The following XKR9 variants were observed in gnomAD, a reference collection of about 807,000 sequenced individuals.
The protein encoded by XKR9 is XK-related protein 9.
Under a neutral mutation model 32.0 loss-of-function variants are expected in XKR9, and 32 were observed. That is an observed-to-expected ratio of 1.00 (90% CI 0.76 to 1.34). The LOEUF (loss-of-function observed/expected upper bound fraction) is 1.34. Among genes scored for constraint, XKR9 ranks in the 40% most tolerant of loss-of-function variants. The pLI, the probability that XKR9 is intolerant of heterozygous loss-of-function variation, is 0.00. For missense variants in XKR9, 546 were observed against 429.7 expected (o/e 1.27, Z -2.39); for synonymous variants, 168 against 143.4 (o/e 1.17, Z -1.22).
At chr8:70,803,851 G>T in the XKR9 span, among the ~76,000 whole-genome samples, 1 of 152,224 alleles carries the variant, frequency 6.6e-6, no homozygotes, top group South Asian at 2.1e-4. Flanking sequence ...GTGCTTCCTG[G>T]TAGAACATGG....
chr8:70,800,322 CT>C, the XKR9 span, among the ~76,000 whole-genome samples: 7 of 151,260 alleles, frequency 4.6e-5, 1 homozygote, highest in East Asian at 1.9e-4. Flanking sequence ...CTAAAGTTTT[CT>C]TTTTTTTTGT....
At chr8:70,851,465 G>A in the XKR9 span, among the ~76,000 whole-genome samples, 19 of 152,062 alleles carry the variant, frequency 1.2e-4, no homozygotes, top group South Asian at 1.9e-3. Flanking sequence ...AAAAGACCCC[G>A]TATAGCCAAG....
chr8:71,013,422 G>A, the XKR9 span, among the ~76,000 whole-genome samples: 3 of 152,168 alleles, frequency 2.0e-5, no homozygotes, highest in Non-Finnish European at 4.4e-5. Context: ...GCTGGGTATT[G>A]AGGCAGTGCG....
chr8:70,811,959 G>C, the XKR9 span, among the ~76,000 whole-genome samples: 1 of 152,068 alleles, frequency 6.6e-6, no homozygotes, highest in South Asian at 2.1e-4. Flanking sequence ...GCATCATCCG[G>C]ATACCAAAGC....
the XKR9 span, among the ~76,000 whole-genome samples, chr8:70,986,864 G>T: frequency 6.6e-6 from 1 of 152,192 alleles, no homozygotes; most frequent in Non-Finnish European, 1.5e-5. Context: ...AAAGAAAGAG[G>T]TTTAATTGGA....
chr8:70,690,874 C>A (rs887761969), intron 3 of XKR9, among the ~76,000 whole-genome samples: 5 of 152,060 alleles, frequency 3.3e-5, no homozygotes, highest in Non-Finnish European at 7.4e-5. Context: ...GTGAACAGTG[C>A]TGCAATGAAC....
chr8:70,872,648 G>A, the XKR9 span, among the ~76,000 whole-genome samples: 1 of 152,098 alleles, frequency 6.6e-6, no homozygotes, highest in Non-Finnish European at 1.5e-5. Flanking sequence ...TGTCTTGTTA[G>A]GGGCTAATGC....
the XKR9 span, among the ~76,000 whole-genome samples, chr8:70,871,749 A>C: frequency 6.6e-6 from 1 of 152,182 alleles, no homozygotes; most frequent in East Asian, 1.9e-4. Context: ...AAATAAAAGG[A>C]AGATTTGCAT....
chr8:70,796,967 A>G, the XKR9 span, among the ~76,000 whole-genome samples: 1 of 152,126 alleles, frequency 6.6e-6, no homozygotes, highest in Non-Finnish European at 1.5e-5. Context: ...AAAAAAAATT[A>G]CCCTTCTGAA....
At chr8:71,064,401 T>TATATATATAAACATATATATAAACA in the XKR9 span, among the ~76,000 whole-genome samples, 1 of 152,182 alleles carries the variant, frequency 6.6e-6, no homozygotes, top group Non-Finnish European at 1.5e-5. Context: ...TATATTGAGT[T>TATATATATAAACATATATATAAACA]TTTATGTTTA....
chr8:70,733,076 C>T (rs1806725778), intron 4 of XKR9, among the ~76,000 whole-genome samples: 1 of 151,538 alleles, frequency 6.6e-6, no homozygotes, highest in East Asian at 1.9e-4. Context: ...CACTGCACTC[C>T]AGCCATAGTG....
the XKR9 span, among the ~76,000 whole-genome samples, chr8:70,902,558 G>A: frequency 1.3e-5 from 2 of 152,200 alleles, no homozygotes; most frequent in Admixed American, 1.3e-4. Flanking sequence ...TTTGGGCTGA[G>A]TTGATGGGGT....
At chr8:70,979,775 C>A in the XKR9 span, among the ~76,000 whole-genome samples, 1 of 152,186 alleles carries the variant, frequency 6.6e-6, no homozygotes, top group East Asian at 1.9e-4. Flanking sequence ...GCTGGGAGAA[C>A]CACTGCTGTC....
At chr8:70,741,380 T>C (rs564259722) in intron 2 of XKR9, among the ~76,000 whole-genome samples, 2 of 152,340 alleles carry the variant, frequency 1.3e-5, no homozygotes, top group Admixed American at 1.3e-4. Flanking sequence ...GCTATGCTCT[T>C]GGCCTTCCCA....
chr8:70,817,360 G>A, the XKR9 span, among the ~76,000 whole-genome samples: 1 of 152,088 alleles, frequency 6.6e-6, no homozygotes, highest in Non-Finnish European at 1.5e-5. Context: ...AATCAAGAAT[G>A]TAATTCTATT....
chr8:71,040,976 A>C, the XKR9 span, among the ~76,000 whole-genome samples: 1 of 152,164 alleles, frequency 6.6e-6, no homozygotes, highest in African/African-American at 2.4e-5. Context: ...CTCTTGATAC[A>C]TGTCAACTGG....
the XKR9 span, among the ~76,000 whole-genome samples, chr8:70,801,155 T>C: frequency 6.6e-6 from 1 of 152,184 alleles, no homozygotes; most frequent in Non-Finnish European, 1.5e-5. Context: ...ATATTTCATA[T>C]GGTTTTTCAT....
intron 2 of XKR9, among the ~76,000 whole-genome samples, chr8:70,765,829 G>T (rs888344213): frequency 2.6e-5 from 4 of 152,164 alleles, no homozygotes; most frequent in African/African-American, 7.2e-5. Context: ...CATATGGCTA[G>T]CCAGTTTTTC....
chr8:70,897,537 G>A, the XKR9 span, among the ~76,000 whole-genome samples: 1 of 152,054 alleles, frequency 6.6e-6, no homozygotes, highest in East Asian at 1.9e-4. Context: ...ATCTTCACCA[G>A]CATTTATTAT....
Sources: gnomAD v4.1 joint callset for allele counts (sites outside exome capture counted in the v4.1 genomes callset) on GRCh38, gnomAD v4.1.1 for gene constraint, MANE v1.5 for transcripts, NCBI Gene and HGNC (gene_info 2026-07-23, HGNC 2026-07-21) for gene names.